RBFOX1: variants seen among roughly 807,000 people sequenced by gnomAD.
RBFOX1 encodes RNA binding fox-1 homolog 1.
Under a neutral mutation model 57.7 loss-of-function variants are expected in RBFOX1, and 8 were observed. The observed-to-expected ratio is 0.14, with a 90% CI of 0.08 to 0.25. The LOEUF is 0.25. Ranked by LOEUF, RBFOX1 falls within the 10% of genes least tolerant of loss-of-function variation. RBFOX1 has a pLI of 1.00. For missense variants in RBFOX1, 611 were observed against 548.5 expected (o/e 1.11, Z -1.14); for synonymous variants, 326 against 222.4 (o/e 1.47, Z -4.15).
intron 4 of RBFOX1, among the ~76,000 whole-genome samples, chr16:7,253,313 T>C (rs1397763203): frequency 6.6e-6 from 1 of 152,222 alleles, no homozygotes; most frequent in Non-Finnish European, 1.5e-5. Flanking sequence ...TTCGTGTTGA[T>C]GTCAGTGGCA....
At chr16:6,319,539 G>C (rs1220454762) in intron 2 of RBFOX1, among the ~76,000 whole-genome samples, 2 of 152,160 alleles carry the variant, frequency 1.3e-5, no homozygotes, top group Non-Finnish European at 2.9e-5. Context: ...AGATGGCATT[G>C]ACATTAGACA....
At chr16:6,785,547 C>T (rs959134281) in intron 3 of RBFOX1, among the ~76,000 whole-genome samples, 2 of 152,140 alleles carry the variant, frequency 1.3e-5, no homozygotes, top group South Asian at 2.1e-4. Flanking sequence ...TTCCTCTTAC[C>T]ACTTAAATAA....
chr16:7,034,838 T>TC (rs61477599), intron 3 of RBFOX1, among the ~76,000 whole-genome samples: 1 of 96,186 alleles, frequency 1.0e-5, no homozygotes, highest in African/African-American at 4.7e-5. Flanking sequence ...TTTTTTTTTT[T>TC]TTCTTTTTTC....
chr16:7,165,963 C>CATACATACAT (rs60902094), intron 4 of RBFOX1, among the ~76,000 whole-genome samples: 74 of 76,138 alleles, frequency 9.7e-4, no homozygotes, highest in East Asian at 4.1e-3. Flanking sequence ...CACACACACA[C>CATACATACAT]ACATACATAC....
At chr16:7,375,173 C>T (rs530206259) in intron 4 of RBFOX1, among the ~76,000 whole-genome samples, 4 of 152,218 alleles carry the variant, frequency 2.6e-5, no homozygotes, top group African/African-American at 9.6e-5. Context: ...ATCATTATCC[C>T]TACCCTATGA....
intron 3 of RBFOX1, among the ~76,000 whole-genome samples, chr16:5,778,551 A>C (rs762761817): frequency 6.6e-6 from 1 of 152,094 alleles, no homozygotes; most frequent in Non-Finnish European, 1.5e-5. Context: ...TGCTGGTTCA[A>C]CCTGCTCTGA....
chr16:6,052,688 G>C (rs2095565812), intron 1 of RBFOX1, among the ~76,000 whole-genome samples: 2 of 151,932 alleles, frequency 1.3e-5, no homozygotes, highest in Non-Finnish European at 2.9e-5. Context: ...GGAGGCTGAG[G>C]CAGGAGAATG....
chr16:6,301,751 T>A (rs1464067821), intron 1 of RBFOX1, among the ~76,000 whole-genome samples: 8 of 152,288 alleles, frequency 5.3e-5, no homozygotes, highest in African/African-American at 1.9e-4. Context: ...GCTCAATAAA[T>A]GCTAGAATAT....
rs2096582835 is a variant in RBFOX1, at chr16:6,125,457, G to A, written c.-127+105465G>A. On this transcript the variant is annotated intron_variant, in intron 1 of 15. Coordinates refer to ENST00000550418, the MANE Select transcript of RBFOX1 (RefSeq NM_018723.4). ...TTGGGTACATGGCTAGGCCTTCCAA[G>A]AGTCAGCCTCATACACATTTGCTCT... Among the ~76,000 whole-genome samples the A allele has an allele frequency of 3.9e-5, 6 of 152,178 alleles. No homozygotes were observed. The South Asian group carries it at 1.2e-3, about 31-fold the overall frequency.
rs1555788043 is a variant in RBFOX1 at position 7,029,063 on chromosome 16, T to TATATATAC, written c.-15-22987_-15-22986insCATATATA. On this transcript the variant is annotated intron_variant, in intron 3 of 15. Coordinates refer to ENST00000550418, the MANE Select transcript of RBFOX1 (RefSeq NM_018723.4). ...AAAAAAAGCTATATATATATATATATATATATATATATATATATACACACA... is the reference window on the plus strand; with the variant it reads ...AAAAAAAGCTATATATATATATATATATATATACATATATATATATATATATACACACA... Among the ~76,000 whole-genome samples the TATATATAC allele has an allele frequency of 6.3e-3, 206 of 32,642 alleles. 13 individuals are homozygous for TATATATAC. Among genetic ancestry groups the TATATATAC allele is most frequent in the Non-Finnish European group, 8.3e-3 (174 of 20,918 alleles). 21.4% of individuals were successfully genotyped at this position (32,642 alleles called of 152,430 possible).
chr16:5,945,092 A>G (rs1420980634), intron 4 of RBFOX1, among the ~76,000 whole-genome samples: 1 of 151,828 alleles, frequency 6.6e-6, no homozygotes, highest in East Asian at 1.9e-4. Flanking sequence ...GGGCTGTGAA[A>G]TGGACTGCCG....
chr16:5,980,518 G>A (rs976307776), intron 4 of RBFOX1, among the ~76,000 whole-genome samples: 4 of 152,148 alleles, frequency 2.6e-5, no homozygotes, highest in Admixed American at 2.0e-4. Context: ...GGCTACCTGT[G>A]GGGCAATGAG....
At chr16:5,310,353 A>G (rs895209177) in intron 1 of RBFOX1, among the ~76,000 whole-genome samples, 4 of 152,094 alleles carry the variant, frequency 2.6e-5, no homozygotes, top group Non-Finnish European at 5.9e-5. Context: ...GTGAGCCGAG[A>G]TCATGCCACT....
At chr16:7,490,185 C>T (rs146493342) in intron 4 of RBFOX1, among the ~76,000 whole-genome samples, 426 of 152,302 alleles carry the variant, frequency 2.8e-3, no homozygotes, top group Non-Finnish European at 4.9e-3. Context: ...TCTGATTTGA[C>T]GTTTTCCCCC....
chr16:6,945,143 C>A (rs916285031), intron 3 of RBFOX1, among the ~76,000 whole-genome samples: 1 of 152,080 alleles, frequency 6.6e-6, no homozygotes, highest in Non-Finnish European at 1.5e-5. Context: ...GGGCACAGTA[C>A]ATAGGGATGA....
intron 3 of RBFOX1, among the ~76,000 whole-genome samples, chr16:5,770,171 A>G (rs1181576777): frequency 6.6e-6 from 1 of 152,114 alleles, no homozygotes; most frequent in Non-Finnish European, 1.5e-5. Flanking sequence ...AGAACCTCTC[A>G]TGTTGGACCT....
intron 2 of RBFOX1, among the ~76,000 whole-genome samples, chr16:6,337,240 T>TA (rs749744007): frequency 3.9e-5 from 6 of 152,186 alleles, no homozygotes; most frequent in Non-Finnish European, 8.8e-5. Context: ...AGGAGGGCCC[T>TA]ATGAGGTTCA....
At chr16:5,733,079 C>G (rs141437530) in intron 3 of RBFOX1, among the ~76,000 whole-genome samples, 18 of 152,204 alleles carry the variant, frequency 1.2e-4, no homozygotes, top group African/African-American at 4.3e-4. Flanking sequence ...TGCATGTTAT[C>G]AATACACCTG....
In RBFOX1 at chr16:7,621,990, A is replaced by G. The variant is rs138097883; in HGVS notation, c.677-8613A>G. Among the ~76,000 whole-genome samples, 510 of 152,282 alleles carry G rather than the reference A, an allele frequency of 3.3e-3. 2 individuals carry two copies. Among genetic ancestry groups the G allele is most frequent in the Middle Eastern group, 0.014 (4 of 294 alleles). On this transcript the variant is annotated intron_variant, in intron 10 of 15. Coordinates refer to ENST00000550418, the MANE Select transcript of RBFOX1 (RefSeq NM_018723.4). ...GATACTGAAACTTGAGTTTCATGCA[A>G]TTTTCACTAGTCAAATGTTACTGTG...
Sources: allele counts gnomAD v4.1 joint callset (sites outside exome capture counted in the v4.1 genomes callset), GRCh38; gene constraint gnomAD v4.1.1; transcripts MANE v1.5; gene names NCBI Gene and HGNC (gene_info 2026-07-23, HGNC 2026-07-21).